SLTM: variants seen among roughly 807,000 people sequenced by gnomAD.
SLTM encodes SAFB like transcription modulator, also known as SAFB-like transcription modulator.
In SLTM, 43 loss-of-function variants were observed where a neutral mutation model predicts 134.6. The ratio of observed to expected loss-of-function variants is 0.32; its 90% CI spans 0.25 to 0.41. The LOEUF is 0.41. Among genes scored for constraint, SLTM ranks in the 10% least tolerant of loss-of-function variants. The pLI is 1.00. For synonymous variants in SLTM, 424 were observed against 432.3 expected, an observed-to-expected ratio of 0.98 and a Z score of 0.24; for missense variants, 1,055 against 1,288.8, an observed-to-expected ratio of 0.82 and a Z score of 2.78.
Position 58,893,371 on chromosome 15 carries a change from GA to G in SLTM, c.1649-8del, listed in dbSNP as rs1264028490. Reference sequence around the variant, plus strand: ...TGTCCTGGACTCTTGGAACCTAAGGGAAAAAAATTATATAAAACAATGTCTA... The same window carrying G: ...TGTCCTGGACTCTTGGAACCTAAGGGAAAAAATTATATAAAACAATGTCTA... On this transcript the variant is annotated splice_polypyrimidine_tract_variant and splice_region_variant and intron_variant, in intron 12 of 20. Coordinates refer to ENST00000380516, the MANE Select transcript of SLTM (RefSeq NM_024755.4). 9.5e-6 allele frequency: 15 copies of G among 1,571,988 alleles called. No individual in the cohort carries two copies. The highest frequency in any genetic ancestry group is 1.9e-5 in the Admixed American group (1 of 51,732).
At chr15:58,889,326 C>G in intron 16 of SLTM, 104 bp downstream of exon 16, 1 of 1,455,618 alleles carries the variant, frequency 6.9e-7, no homozygotes. Flanking sequence ...TTGATCATGA[C>G]TTTTATTCCA....
chr15:58,932,697 T>A (rs73430548), intron 1 of SLTM, among the ~76,000 whole-genome samples: 3,138 of 152,236 alleles, frequency 0.021, 101 homozygotes, highest in African/African-American at 0.073. Context: ...AAATATCACA[T>A]CATACTGGCC....
intron 1 of SLTM, among the ~76,000 whole-genome samples, chr15:58,932,671 C>T (rs1468121253): frequency 6.6e-6 from 1 of 152,080 alleles, no homozygotes; most frequent in East Asian, 1.9e-4. Context: ...TTAAATTCTA[C>T]CGTGTCAAGA....
chr15:58,925,171 C>G (rs2141219091), intron 2 of SLTM, among the ~76,000 whole-genome samples: 1 of 151,964 alleles, frequency 6.6e-6, no homozygotes, highest in East Asian at 1.9e-4. Flanking sequence ...CAGCAACAAC[C>G]TCTTCCCAAT....
chr15:58,915,840 T>C (rs2036602337), intron 3 of SLTM, among the ~76,000 whole-genome samples: 2 of 152,084 alleles, frequency 1.3e-5, no homozygotes, highest in African/African-American at 4.8e-5. Context: ...GGACTAGTTT[T>C]ACCCAGAAAA....
intron 2 of SLTM, among the ~76,000 whole-genome samples, chr15:58,926,308 C>G (rs2037461941): frequency 6.6e-6 from 1 of 152,066 alleles, no homozygotes; most frequent in South Asian, 2.1e-4. Context: ...CTACCTTCAA[C>G]AAAACACCAT....
chr15:58,884,531 A>G (rs2140938055), intron 19 of SLTM, among the ~76,000 whole-genome samples: 1 of 152,096 alleles, frequency 6.6e-6, no homozygotes, highest in Non-Finnish European at 1.5e-5. Flanking sequence ...GTTGGCCAGG[A>G]TGGTCTTGAT....
In SLTM at chr15:58,899,157, A is replaced by C. The variant is rs746841536; in HGVS notation, c.1059-305T>G. The C allele has an allele frequency of 2.3e-6, 1 of 433,606 alleles. No individual in the cohort carries two copies. Among genetic ancestry groups the C allele is most frequent in the Non-Finnish European group, 4.1e-6 (1 of 246,594 alleles). 26.9% of individuals were successfully genotyped at this position (433,606 alleles called of 1,614,324 possible). On this transcript the variant is annotated intron_variant, in intron 7 of 20. Transcript: ENST00000380516. The surrounding 1 kb of genome is among the most constrained non-coding windows in gnomAD (Gnocchi z 5.0). The stretch of plus-strand genomic sequence containing the variant: ...TCTTAGAACTGATAGTTGTTCATTA[A>C]CCATCATCACAAGGATTTTAAAAAA...
chr15:58,922,495 A>G (rs2037133538), intron 2 of SLTM, among the ~76,000 whole-genome samples: 1 of 146,206 alleles, frequency 6.8e-6, no homozygotes, highest in African/African-American at 2.5e-5. Context: ...TACAATATGC[A>G]TATTATATAT....
At chr15:58,887,750 A>G (rs1391769201) in intron 17 of SLTM, 16 of 371,768 alleles carry the variant, frequency 4.3e-5, no homozygotes, top group Non-Finnish European at 5.9e-5. Flanking sequence ...TTTAGCATTC[A>G]GGAGAAATGA....
At chr15:58,887,591 C>A in intron 17 of SLTM, 51 bp from the exon 18 acceptor site, 3 of 1,536,286 alleles carry the variant, frequency 2.0e-6, no homozygotes, top group Non-Finnish European at 2.6e-6. Context: ...TACTTGAGTG[C>A]TTAATTCTTC....
At position 58,913,704 on chromosome 15, in the gene SLTM, T is replaced by C; in HGVS notation, c.316-8A>G. The C allele has an allele frequency of 6.2e-7, 1 of 1,612,132 alleles. No individual in the cohort carries two copies. On this transcript the variant is annotated splice_polypyrimidine_tract_variant and splice_region_variant and intron_variant, in intron 3 of 20. Transcript: ENST00000380516. ...ATTCTCCAATTCACAGTCCTTTTAA[T>C]GGTAAGAAAATTTGGTACAACTAGA...
intron 2 of SLTM, among the ~76,000 whole-genome samples, chr15:58,926,102 A>G (rs1232295331): frequency 1.3e-5 from 2 of 152,208 alleles, no homozygotes; most frequent in East Asian, 3.8e-4. Flanking sequence ...TGGGCCCCCA[A>G]CATAACAACC....
chr15:58,883,994 G>A (rs1241117674), intron 19 of SLTM, among the ~76,000 whole-genome samples: 1 of 151,782 alleles, frequency 6.6e-6, no homozygotes, highest in Non-Finnish European at 1.5e-5. Context: ...AGCTACTCAG[G>A]AGGCTGGGGC....
Position 58,899,382 on chromosome 15 carries a change from T to C in SLTM, c.1058+87A>G, listed in dbSNP as rs763510263. On this transcript the variant is annotated intron_variant, in intron 7 of 20. Coordinates refer to ENST00000380516, the MANE Select transcript of SLTM (RefSeq NM_024755.4). This position sits in a 1 kb window ranked among gnomAD's most constrained non-coding sequence, Gnocchi z 5.0. ...ATCATAAGACACTAATTACTGTACA[T>C]GTTCTTGAAGCCACCCCCTTAATGT... is the stretch of plus-strand genomic sequence containing the variant. The C allele has an allele frequency of 7.7e-6, 8 of 1,040,456 alleles. No homozygotes were observed. The Admixed American group carries it at 1.4e-4, about 18-fold the overall frequency. 64.5% of individuals were successfully genotyped at this position (1,040,456 alleles called of 1,614,324 possible). A position where few individuals can be genotyped will look rare whatever the true frequency, so the allele number is the denominator to read the frequency against.
intron 2 of SLTM, among the ~76,000 whole-genome samples, chr15:58,922,319 G>A (rs1249158415): frequency 4.4e-5 from 6 of 137,422 alleles, no homozygotes; most frequent in African/African-American, 1.4e-4. Context: ...GGAGGTTGCA[G>A]TGAGCCGAGA....
Position 58,932,952 on chromosome 15 carries a change from A to C in SLTM, c.162+452T>G, listed in dbSNP as rs138053793. Among the ~76,000 whole-genome samples the C allele has an allele frequency of 5.3e-3, 813 of 152,294 alleles. 3 individuals carry two copies. The highest frequency in any genetic ancestry group is 9.0e-3 in the Non-Finnish European group (609 of 68,000). On this transcript the variant is annotated intron_variant, in intron 1 of 20. Coordinates refer to ENST00000380516, the MANE Select transcript of SLTM (RefSeq NM_024755.4). ...CAACTCCCACTACCAATTCCCCCTC[A>C]AGATGGGGAAGAAACGGTTGGGCAC...
Position 58,897,104 on chromosome 15 carries a change from A to T in SLTM, c.1227+11T>A. ...ACCAGAAAGACAGATAAAAAGGTAA[A>T]AAGAATGTACCTTTCCATATTTGCC... On this transcript the variant is annotated intron_variant, in intron 9 of 20. Coordinates refer to ENST00000380516, the MANE Select transcript of SLTM (RefSeq NM_024755.4). 2 of 1,527,826 alleles carry T rather than the reference A, an allele frequency of 1.3e-6. No homozygotes were observed. Among genetic ancestry groups the T allele is most frequent in the Non-Finnish European group, 1.8e-6 (2 of 1,102,196 alleles). 94.6% of individuals were successfully genotyped at this position (1,527,826 alleles called of 1,614,324 possible).
At chr15:58,889,658 G>A in intron 15 of SLTM, 104 bp from the exon 16 acceptor site, 1 of 1,439,764 alleles carries the variant, frequency 6.9e-7, no homozygotes, top group South Asian at 1.3e-5. Flanking sequence ...ACCATCATAA[G>A]CAAAGACCAG....
Sources: allele counts gnomAD v4.1 joint callset (sites outside exome capture counted in the v4.1 genomes callset), GRCh38; gene constraint gnomAD v4.1.1; non-coding constraint Gnocchi (gnomAD v3.1); transcripts MANE v1.5; gene names NCBI Gene and HGNC (gene_info 2026-07-23, HGNC 2026-07-21).